The following FOXP1 variants were observed in gnomAD, a reference collection of about 807,000 sequenced individuals.
FOXP1 encodes the protein forkhead box protein P1.
Under a neutral mutation model 98.2 loss-of-function variants are expected in FOXP1, and 15 were observed. The observed-to-expected ratio is 0.15, with a 90% CI of 0.10 to 0.24. FOXP1 has a LOEUF of 0.24. Among genes scored for constraint, FOXP1 ranks in the 10% least tolerant of loss-of-function variants. The probability of loss-of-function intolerance (pLI) is 1.00; values close to 1 mark genes in which losing one functional copy is unlikely to be tolerated. For missense variants in FOXP1, 633 were observed against 848.5 expected, an observed-to-expected ratio of 0.75 and a Z score of 3.15; for synonymous variants, 371 against 314.5, an observed-to-expected ratio of 1.18 and a Z score of -1.90.
At chr3:71,382,604 C>G (rs2080264915) in intron 3 of FOXP1, among the ~76,000 whole-genome samples, 1 of 152,160 alleles carries the variant, frequency 6.6e-6, no homozygotes, top group Admixed American at 6.5e-5. Context: ...GCAAGGAAAT[C>G]TACAGCTTGA....
intron 5 of FOXP1, among the ~76,000 whole-genome samples, chr3:71,256,513 A>G (rs1274600131): frequency 6.6e-6 from 1 of 152,154 alleles, no homozygotes; most frequent in East Asian, 1.9e-4. Flanking sequence ...CCTCCCGAGT[A>G]GCTGGGACTA....
chr3:71,432,209 T>C (rs1332883832), intron 3 of FOXP1, among the ~76,000 whole-genome samples: 2 of 152,244 alleles, frequency 1.3e-5, no homozygotes, highest in Non-Finnish European at 2.9e-5. Context: ...CACTGACGAC[T>C]GTGGTGTGCA....
intron 14 of FOXP1, 87 bp downstream of exon 14, chr3:70,987,907 G>C: frequency 8.1e-7 from 1 of 1,234,920 alleles, no homozygotes; most frequent in Middle Eastern, 2.3e-4. Flanking sequence ...AAGTAGGCTG[G>C]TCCTCCTTCC....
chr3:71,214,481 C>A (rs1386178748), intron 5 of FOXP1, among the ~76,000 whole-genome samples: 1 of 152,154 alleles, frequency 6.6e-6, no homozygotes, highest in Non-Finnish European at 1.5e-5. Flanking sequence ...AGATTCTCAA[C>A]AGGATTCATT....
chr3:71,112,666 C>T lies in FOXP1; in HGVS notation c.181-29G>A, dbSNP rs113050068. The T allele has an allele frequency of 0.014, 22,020 of 1,523,860 alleles. 217 individuals are homozygous for T. The highest frequency in any genetic ancestry group is 0.03 in the South Asian group (2,654 of 89,300). The allele number at this position is 1,523,860 out of a possible 1,614,324, so 94.4% of individuals were successfully genotyped here. On this transcript the variant is annotated intron_variant, in intron 6 of 20. Transcript: ENST00000649528. ...GAAGGAAAAACAAGAAAATCCTTTG[C>T]GTTACTACACAGGTTCAGGGGACTC... is the stretch of plus-strand genomic sequence containing the variant.
At chr3:71,142,119 A>G (rs1198398686) in intron 6 of FOXP1, among the ~76,000 whole-genome samples, 3 of 145,662 alleles carry the variant, frequency 2.1e-5, no homozygotes, top group Non-Finnish European at 1.5e-5. Context: ...CTTAATAAAT[A>G]CAAAATGTGT....
intron 2 of FOXP1, among the ~76,000 whole-genome samples, chr3:71,497,074 C>T (rs543176892): frequency 6.6e-6 from 1 of 150,970 alleles, no homozygotes; most frequent in East Asian, 1.9e-4. Flanking sequence ...GAACTCTAGA[C>T]ATAAAAAAAT....
At chr3:71,200,366 G>A (rs537448336) in intron 5 of FOXP1, among the ~76,000 whole-genome samples, 17 of 152,246 alleles carry the variant, frequency 1.1e-4, no homozygotes, top group South Asian at 8.3e-4. Context: ...CCCAGTTTGC[G>A]GATGAGAAAA....
intron 11 of FOXP1, among the ~76,000 whole-genome samples, chr3:71,031,399 G>A (rs1051019184): frequency 2.0e-5 from 3 of 152,180 alleles, no homozygotes; most frequent in African/African-American, 4.8e-5. Flanking sequence ...GGGTCTGTTT[G>A]TTTACCAAAC....
chr3:71,450,030 T>C (rs1295486333), intron 3 of FOXP1, among the ~76,000 whole-genome samples: 2 of 152,248 alleles, frequency 1.3e-5, no homozygotes, highest in Non-Finnish European at 2.9e-5. Flanking sequence ...ACATAAGTCC[T>C]TTAAAATTTC....
rs779521837 is a variant in FOXP1, at chr3:71,174,304, G to A, written c.180+23898C>T. The stretch of plus-strand genomic sequence containing the variant: ...AATTTAAGAGTAAGCTGGGTGCAGC[G>A]GCATGCACCTGTAGTCCCAGCTACT... On this transcript the variant is annotated intron_variant, in intron 6 of 20. Transcript: ENST00000649528. Among the ~76,000 whole-genome samples, 27 of 152,100 alleles carry A rather than the reference G, an allele frequency of 1.8e-4. 1 individual carries two copies. The highest frequency in any genetic ancestry group is 2.1e-4 in the South Asian group (1 of 4,826).
chr3:71,020,602 G>A (rs768274980), intron 11 of FOXP1, among the ~76,000 whole-genome samples: 28 of 152,126 alleles, frequency 1.8e-4, no homozygotes, highest in Non-Finnish European at 3.1e-4. Context: ...AATTTCCCCT[G>A]TGGTAACTAA....
At chr3:71,158,942 C>T (rs139557376) in intron 6 of FOXP1, among the ~76,000 whole-genome samples, 20 of 151,756 alleles carry the variant, frequency 1.3e-4, no homozygotes, top group Admixed American at 9.8e-4. Flanking sequence ...CCTACCTCTA[C>T]AAACAATACA....
At chr3:71,491,392 T>C (rs941116119) in intron 3 of FOXP1, among the ~76,000 whole-genome samples, 3 of 152,152 alleles carry the variant, frequency 2.0e-5, no homozygotes, top group Non-Finnish European at 4.4e-5. Flanking sequence ...CATACATGCA[T>C]AGCAATGGAA....
intron 5 of FOXP1, among the ~76,000 whole-genome samples, chr3:71,224,749 T>C (rs2065697804): frequency 6.6e-6 from 1 of 152,206 alleles, no homozygotes; most frequent in Non-Finnish European, 1.5e-5. Context: ...CTATGTGAGT[T>C]GCCAGCATCA....
intron 4 of FOXP1, among the ~76,000 whole-genome samples, chr3:71,343,994 A>G (rs1266230903): frequency 6.6e-6 from 1 of 152,160 alleles, no homozygotes; most frequent in African/African-American, 2.4e-5. Context: ...ATTTTTTTGT[A>G]CATGCAGCAA....
At chr3:71,391,166 T>C (rs1488761438) in intron 3 of FOXP1, among the ~76,000 whole-genome samples, 2 of 152,194 alleles carry the variant, frequency 1.3e-5, no homozygotes, top group East Asian at 3.8e-4. Context: ...AAATATCACA[T>C]ATTTCCAATT....
intron 5 of FOXP1, among the ~76,000 whole-genome samples, chr3:71,251,718 T>C (rs1456680426): frequency 2.0e-5 from 3 of 152,208 alleles, no homozygotes; most frequent in African/African-American, 4.8e-5. Context: ...GCGTTGGAGT[T>C]ACCCACACTG....
chr3:71,023,870 A>T (rs1486962090), intron 11 of FOXP1, among the ~76,000 whole-genome samples: 4 of 152,242 alleles, frequency 2.6e-5, no homozygotes, highest in African/African-American at 9.6e-5. Context: ...AGTCACACAA[A>T]ATGATACCAA....
Sources: allele counts gnomAD v4.1 joint callset (sites outside exome capture counted in the v4.1 genomes callset), GRCh38; gene constraint gnomAD v4.1.1; transcripts MANE v1.5; gene names NCBI Gene and HGNC (gene_info 2026-07-23, HGNC 2026-07-21).